The following SLCO2B1 variants were observed in gnomAD, a reference collection of about 807,000 sequenced individuals.
The protein encoded by SLCO2B1 is solute carrier organic anion transporter family member 2B1, also known as OATP-RP2.
Under a neutral mutation model 67.3 loss-of-function variants are expected in SLCO2B1, and 41 were observed. The ratio of observed to expected loss-of-function variants is 0.61; its 90% confidence interval spans 0.47 to 0.79. The LOEUF (loss-of-function observed/expected upper bound fraction) is 0.79, where lower values mean the gene tolerates loss of function less well. SLCO2B1 is among the 30% of genes least tolerant of loss of function. The pLI is 0.00. For missense variants in SLCO2B1, 837 were observed against 920.1 expected (o/e 0.91, Z 1.17); for synonymous variants, 379 against 381.4 (o/e 0.99, Z 0.07).
Position 75,172,582 on chromosome 11 carries a change from C to T in SLCO2B1, c.972+13C>T, listed in dbSNP as rs1565538645. The stretch of plus-strand genomic sequence containing the variant: ...ACCTGCCAGGAAGGTAAGCTCCCTC[C>T]ATGTCACCTGACTGGGTCCAGGCTC... On this transcript the variant is annotated intron_variant, in intron 7 of 13. Coordinates refer to ENST00000289575, the MANE Select transcript of SLCO2B1 (RefSeq NM_007256.5). 9.9e-6 allele frequency: 16 copies of T among 1,609,354 alleles called. No individual in the cohort carries two copies. The highest frequency in any genetic ancestry group is 1.4e-5 in the Non-Finnish European group (16 of 1,176,484).
intron 6 of SLCO2B1, among the ~76,000 whole-genome samples, chr11:75,171,747 G>A (rs1382825541): frequency 2.0e-5 from 3 of 152,134 alleles, no homozygotes; most frequent in African/African-American, 2.4e-5. Flanking sequence ...TTAAAGGTAC[G>A]GGTTCCTTGG....
chr11:75,163,246 C>T (rs1949845095), intron 2 of SLCO2B1, among the ~76,000 whole-genome samples: 1 of 152,150 alleles, frequency 6.6e-6, no homozygotes, highest in Admixed American at 6.5e-5. Context: ...GGCTGTTGTC[C>T]TCATTGTACA....
At position 75,204,774 on chromosome 11, in the gene SLCO2B1, C is replaced by A; in HGVS notation, c.*194C>A. On this transcript the variant is annotated 3_prime_UTR_variant, in exon 14 of 14. Coordinates refer to ENST00000289575, the MANE Select transcript of SLCO2B1 (RefSeq NM_007256.5). ...AGTCTGAACCAAAGAGTTGTTTGGG[C>A]ATTTGCTGTGTTGGCCATTTCTGGA... The A allele has an allele frequency of 2.2e-6, 1 of 445,764 alleles. No homozygotes were observed. The highest frequency in any genetic ancestry group is 3.8e-6 in the Non-Finnish European group (1 of 260,936). The allele number at this position is 445,764 out of a possible 1,614,324, so 27.6% of individuals were successfully genotyped here.
intron 7 of SLCO2B1, among the ~76,000 whole-genome samples, chr11:75,181,383 A>AG (rs1393467131): frequency 7.9e-5 from 12 of 151,298 alleles, no homozygotes; most frequent in South Asian, 4.2e-4. Flanking sequence ...AAAAAAAAAA[A>AG]AAAAAGAAAA....
intron 7 of SLCO2B1, among the ~76,000 whole-genome samples, chr11:75,174,250 A>G (rs992959812): frequency 6.6e-5 from 10 of 152,320 alleles, no homozygotes; most frequent in Admixed American, 5.2e-4. Context: ...ACAATCATAA[A>G]TTAAGTAACT....
intron 1 of SLCO2B1, among the ~76,000 whole-genome samples, 155 bp downstream of exon 1, chr11:75,151,552 G>A (rs967239960): frequency 1.3e-5 from 2 of 152,188 alleles, no homozygotes; most frequent in African/African-American, 2.4e-5. Flanking sequence ...CAGTGAAGGT[G>A]TGTTAAATGA....
intron 7 of SLCO2B1, among the ~76,000 whole-genome samples, chr11:75,174,507 G>A (rs1565539456): frequency 6.6e-6 from 1 of 152,196 alleles, no homozygotes; most frequent in Non-Finnish European, 1.5e-5. Context: ...TAGCTGCCCT[G>A]CTATGGGATG....
Position 75,151,299 on chromosome 11 carries a change from GAGA to G in SLCO2B1, c.-79_-77del. The stretch of plus-strand genomic sequence containing the variant: ...CCTGCTGCTGTCTCCAGGAGCCCCT[GAGA>G]AGATTTGCTTCCTCTCCCCTGCTAA... On this transcript the variant is annotated 5_prime_UTR_variant, in exon 1 of 14. Transcript: ENST00000289575. The G allele has an allele frequency of 1.5e-6, 2 of 1,324,484 alleles. No individual in the cohort carries two copies. The highest frequency in any genetic ancestry group is 3.8e-5 in the Admixed American group (2 of 52,734). The allele number at this position is 1,324,484 out of a possible 1,614,324, so 82.0% of individuals were successfully genotyped here.
At chr11:75,162,348 G>C (rs1029941532) in intron 1 of SLCO2B1, among the ~76,000 whole-genome samples, 3 of 152,178 alleles carry the variant, frequency 2.0e-5, no homozygotes, top group African/African-American at 7.2e-5. Flanking sequence ...GTGTTGTGTA[G>C]AGAGGTCAGC....
intron 7 of SLCO2B1, among the ~76,000 whole-genome samples, chr11:75,179,010 AT>A (rs1950060574): frequency 2.0e-5 from 3 of 152,004 alleles, no homozygotes; most frequent in Non-Finnish European, 4.4e-5. Flanking sequence ...TTATCCATTC[AT>A]CCATTGATGG....
Position 75,157,516 on chromosome 11 carries a change from T to C in SLCO2B1, c.17-5139T>C, listed in dbSNP as rs546991543. On this transcript the variant is annotated intron_variant, in intron 1 of 13. Coordinates refer to ENST00000289575, the MANE Select transcript of SLCO2B1 (RefSeq NM_007256.5). ...GAGAGATGATCCAGAGATGGATGAA[T>C]GGCGATGTCAGGATGGAGGGGTTTA... Among the ~76,000 whole-genome samples, 5 of 152,214 alleles carry C rather than the reference T, an allele frequency of 3.3e-5. No individual in the cohort carries two copies. In the South Asian group the frequency reaches 8.3e-4, roughly 25 times the overall value.
intron 7 of SLCO2B1, 87 bp from the exon 8 acceptor site, chr11:75,188,049 C>A: frequency 1.2e-6 from 1 of 838,182 alleles, no homozygotes; most frequent in Non-Finnish European, 2.0e-6. Flanking sequence ...CTCTCCTCTC[C>A]AAGACCTCTC....
intron 7 of SLCO2B1, among the ~76,000 whole-genome samples, chr11:75,175,241 G>A (rs1950009613): frequency 6.6e-6 from 1 of 152,096 alleles, no homozygotes; most frequent in Non-Finnish European, 1.5e-5. Flanking sequence ...GGGAGGAATT[G>A]TTCCTCCACC....
intron 8 of SLCO2B1, among the ~76,000 whole-genome samples, chr11:75,189,962 GA>G (rs561790970): frequency 0.036 from 4,037 of 113,002 alleles, 58 homozygotes; most frequent in Middle Eastern, 0.056. Flanking sequence ...ACCCTGTCTG[GA>G]AAAAAAAAAA....
At chr11:75,203,057 A>G in intron 12 of SLCO2B1, 92 bp downstream of exon 12, 5 of 1,275,616 alleles carry the variant, frequency 3.9e-6, no homozygotes, top group Non-Finnish European at 5.7e-6. Flanking sequence ...AGCGGAATTC[A>G]ATCCCTGATC....
At chr11:75,163,213 C>T (rs1949844860) in intron 2 of SLCO2B1, among the ~76,000 whole-genome samples, 1 of 152,206 alleles carries the variant, frequency 6.6e-6, no homozygotes. Flanking sequence ...TTATTTAGTT[C>T]TCACAATATC....
At chr11:75,192,444 G>A (rs906084296) in intron 8 of SLCO2B1, among the ~76,000 whole-genome samples, 4 of 152,272 alleles carry the variant, frequency 2.6e-5, no homozygotes, top group Admixed American at 6.5e-5. Context: ...TGCAAGCTAA[G>A]GATAGGGAGG....
chr11:75,170,211 T>C (rs11236365), intron 6 of SLCO2B1, among the ~76,000 whole-genome samples: 39,971 of 152,054 alleles, frequency 0.26, 5,641 homozygotes, highest in Admixed American at 0.39. Flanking sequence ...GAGAGAACTT[T>C]TGGAGCAGAA....
chr11:75,203,260 G>A lies in SLCO2B1; in HGVS notation c.1829-47G>A, dbSNP rs201473825. 3.8e-3 allele frequency: 6,079 copies of A among 1,602,966 alleles called. 18 individuals carry two copies. The highest frequency in any genetic ancestry group is 9.2e-3 in the Middle Eastern group (52 of 5,630). On this transcript the variant is annotated intron_variant, in intron 12 of 13. Coordinates refer to ENST00000289575, the MANE Select transcript of SLCO2B1 (RefSeq NM_007256.5). ...GTTGTACATGCCAGGGAGGGGGCAG[G>A]GTAGGACGGTGGGCCTTCATTGTCC... is the stretch of plus-strand genomic sequence containing the variant.
Sources: gnomAD v4.1 joint callset for allele counts (sites outside exome capture counted in the v4.1 genomes callset) on GRCh38, gnomAD v4.1.1 for gene constraint, MANE v1.5 for transcripts, NCBI Gene and HGNC (gene_info 2026-07-23, HGNC 2026-07-21) for gene names.